Variants in NPAS3 observed in about 807,000 individuals in gnomAD.
The protein encoded by NPAS3 is neuronal PAS domain protein 3.
A neutral mutation model predicts 73.1 loss-of-function variants in NPAS3; 14 were observed. That is an observed-to-expected ratio of 0.19 (90% CI 0.13 to 0.30). The LOEUF is 0.30. Ranked by LOEUF, NPAS3 falls within the 10% of genes least tolerant of loss-of-function variation. NPAS3 has a pLI of 1.00. For missense variants in NPAS3, 1,096 were observed against 1,250.0 expected, an observed-to-expected ratio of 0.88 and a Z score of 1.86; for synonymous variants, 620 against 541.5, an observed-to-expected ratio of 1.14 and a Z score of -2.01.
chr14:33,093,951 A>G (rs2138833869), intron 2 of NPAS3, among the ~76,000 whole-genome samples: 1 of 151,994 alleles, frequency 6.6e-6, no homozygotes, highest in Admixed American at 6.5e-5. Flanking sequence ...GGGGAACATC[A>G]CACACCGGGG....
At chr14:33,789,606 T>TTTTTTTTTTTTTTA (rs1318374959) in intron 9 of NPAS3, among the ~76,000 whole-genome samples, 1 of 134,680 alleles carries the variant, frequency 7.4e-6, no homozygotes, top group African/African-American at 3.2e-5. Flanking sequence ...TTTTTTTTTT[T>TTTTTTTTTTTTTTA]GAGACGGAGT....
intron 3 of NPAS3, among the ~76,000 whole-genome samples, chr14:33,246,395 C>T (rs550577568): frequency 1.3e-4 from 20 of 151,754 alleles, no homozygotes; most frequent in South Asian, 2.1e-4. Context: ...AAAAATTAGC[C>T]GGGCATGGTG....
At chr14:33,721,248 A>G (rs1418229058) in intron 6 of NPAS3, among the ~76,000 whole-genome samples, 1 of 152,134 alleles carries the variant, frequency 6.6e-6, no homozygotes, top group African/African-American at 2.4e-5. Context: ...ACACACTGCT[A>G]TCTTACCTGG....
chr14:33,457,667 C>A (rs1456912470), intron 4 of NPAS3, among the ~76,000 whole-genome samples: 9 of 152,184 alleles, frequency 5.9e-5, no homozygotes, highest in Admixed American at 5.2e-4. Context: ...GAGGTCCCCA[C>A]AAACCCATGT....
chr14:33,053,036 G>A (rs2040764990), intron 1 of NPAS3, among the ~76,000 whole-genome samples: 1 of 152,182 alleles, frequency 6.6e-6, no homozygotes, highest in Non-Finnish European at 1.5e-5. Context: ...GCTGTTCAGA[G>A]ATGGATTGCT....
intron 2 of NPAS3, among the ~76,000 whole-genome samples, chr14:33,190,149 TTTCCC>T (rs1423912929): frequency 3.3e-5 from 5 of 152,224 alleles, no homozygotes. Context: ...TGAAAATACT[TTTCCC>T]TATACATCTG....
At chr14:33,311,828 C>T (rs1401129357) in intron 3 of NPAS3, among the ~76,000 whole-genome samples, 1 of 152,038 alleles carries the variant, frequency 6.6e-6, no homozygotes, top group African/African-American at 2.4e-5. Context: ...AAAGACTGCA[C>T]AACCAAAGTA....
At chr14:33,083,854 C>T (rs560138554) in intron 2 of NPAS3, among the ~76,000 whole-genome samples, 10 of 152,272 alleles carry the variant, frequency 6.6e-5, no homozygotes, top group African/African-American at 2.4e-4. Flanking sequence ...TCTCTATCCA[C>T]AGTAATTGAG....
intron 2 of NPAS3, among the ~76,000 whole-genome samples, chr14:33,175,828 T>C (rs1365338003): frequency 1.7e-4 from 3 of 17,654 alleles, no homozygotes; most frequent in South Asian, 2.3e-3. Context: ...TAAAACGTTA[T>C]CATTTTTTTA....
intron 1 of NPAS3, among the ~76,000 whole-genome samples, chr14:32,995,184 A>G (rs1309639840): frequency 6.6e-6 from 1 of 152,192 alleles, no homozygotes; most frequent in Non-Finnish European, 1.5e-5. Context: ...TCTTTAGTGG[A>G]TAATTCAGCT....
chr14:33,476,587 C>A (rs892403610), intron 4 of NPAS3, among the ~76,000 whole-genome samples: 22 of 152,156 alleles, frequency 1.4e-4, no homozygotes, highest in African/African-American at 5.3e-4. Context: ...CCAATTTAAA[C>A]ATTTATGAGT....
At chr14:33,323,992 T>A (rs2043576289) in intron 3 of NPAS3, among the ~76,000 whole-genome samples, 1 of 152,230 alleles carries the variant, frequency 6.6e-6, no homozygotes. Flanking sequence ...TACATTTGAT[T>A]TTAAAATCAG....
intron 2 of NPAS3, among the ~76,000 whole-genome samples, chr14:33,059,244 A>G (rs1216385503): frequency 6.6e-6 from 1 of 152,156 alleles, no homozygotes; most frequent in Admixed American, 6.6e-5. Context: ...TAAAGACATT[A>G]TTTTCTATGT....
intron 1 of NPAS3, among the ~76,000 whole-genome samples, chr14:32,949,515 A>T (rs1265149343): frequency 6.6e-6 from 1 of 152,080 alleles, no homozygotes; most frequent in Non-Finnish European, 1.5e-5. Context: ...ATGCTAAAGG[A>T]TGAAACAATG....
chr14:33,364,788 C>T (rs562178258), intron 3 of NPAS3, among the ~76,000 whole-genome samples: 1 of 151,974 alleles, frequency 6.6e-6, no homozygotes, highest in African/African-American at 2.4e-5. Flanking sequence ...CCCCACACCC[C>T]CACTGAAGAC....
chr14:33,358,315 T>A (rs1475462279), intron 3 of NPAS3, among the ~76,000 whole-genome samples: 1 of 152,164 alleles, frequency 6.6e-6, no homozygotes, highest in Non-Finnish European at 1.5e-5. Context: ...CAGTTGTAAC[T>A]ATGTGACTGT....
chr14:33,738,735 C>G (rs1344675715), intron 7 of NPAS3, among the ~76,000 whole-genome samples: 1 of 152,184 alleles, frequency 6.6e-6, no homozygotes, highest in Admixed American at 6.5e-5. Context: ...GTTATCCGGA[C>G]CAGCCACTTT....
chr14:33,082,052 G>A (rs771878707), intron 2 of NPAS3, among the ~76,000 whole-genome samples: 13 of 152,190 alleles, frequency 8.5e-5, no homozygotes, highest in African/African-American at 2.9e-4. Flanking sequence ...TAAAGCATCC[G>A]TGGAATGGAG....
At chr14:33,129,383 T>C (rs935715627) in intron 2 of NPAS3, among the ~76,000 whole-genome samples, 1 of 152,118 alleles carries the variant, frequency 6.6e-6, no homozygotes, top group Non-Finnish European at 1.5e-5. Flanking sequence ...CATGTGAATA[T>C]TGATAGCATA....
Sources: allele counts gnomAD v4.1 joint callset (sites outside exome capture counted in the v4.1 genomes callset), GRCh38; gene constraint gnomAD v4.1.1; transcripts MANE v1.5; gene names NCBI Gene and HGNC (gene_info 2026-07-23, HGNC 2026-07-21).